Variants in ATP13A2 observed in about 807,000 individuals in gnomAD.
The protein encoded by ATP13A2 is ATPase cation transporting 13A2, also known as polyamine-transporting ATPase 13A2.
Under a neutral mutation model 138.3 loss-of-function variants are expected in ATP13A2, and 83 were observed. The observed-to-expected ratio is 0.60, with a 90% CI of 0.50 to 0.72. ATP13A2 has a LOEUF of 0.72. Among genes scored for constraint, ATP13A2 ranks in the 30% least tolerant of loss-of-function variants. The probability of loss-of-function intolerance (pLI) is 0.00; values close to 1 mark genes in which losing one functional copy is unlikely to be tolerated. For missense variants in ATP13A2, 1,402 were observed against 1,606.4 expected, an observed-to-expected ratio of 0.87 and a Z score of 2.17; for synonymous variants, 663 against 699.0, an observed-to-expected ratio of 0.95 and a Z score of 0.81.
intron 15 of ATP13A2, among the ~76,000 whole-genome samples, chr1:16,994,184 G>GCTCTCTCT (rs144710370): frequency 1.3e-5 from 2 of 148,398 alleles, no homozygotes; most frequent in African/African-American, 4.9e-5. Flanking sequence ...CGGTTGGCTC[G>GCTCTCTCT]CTCTCTCTCT....
In ATP13A2 at chr1:17,005,418, G is replaced by C. The variant is rs761558105; in HGVS notation, c.244C>G (p.Leu82Val). The C allele has an allele frequency of 6.2e-7, 1 of 1,612,978 alleles. No homozygotes were observed. The highest frequency in any genetic ancestry group is 2.2e-5 in the East Asian group (1 of 44,856). Residue 82 changes from leucine to valine, a missense_variant, in exon 3 of 29, where the codon CTG becomes GTG. Transcript: ENST00000326735. The stretch of plus-strand genomic sequence containing the variant: ...ATAACGAGTGTTTCGGCGTGGGCCA[G>C]GTTGCAGGGCCGGAGCCGCAGCCGC... ...GVRLRLRPCNLAHAETLVIEI... is the reference protein window; with the variant it reads ...GVRLRLRPCNVAHAETLVIEI...
Position 17,002,115 on chromosome 1 carries a change from G to T in ATP13A2, c.636-12C>A, listed in dbSNP as rs766322286. On this transcript the variant is annotated splice_polypyrimidine_tract_variant and intron_variant, in intron 7 of 28. Coordinates refer to ENST00000326735, the MANE Select transcript of ATP13A2 (RefSeq NM_022089.4). ...CGTAAATGGCCTTCCTGGAAGAGGGGATGAGGCCAAGCCATCAGAAGGAGG... is the reference window on the plus strand; with the variant it reads ...CGTAAATGGCCTTCCTGGAAGAGGGTATGAGGCCAAGCCATCAGAAGGAGG... 1.5e-5 allele frequency: 24 copies of T among 1,612,454 alleles called. No homozygotes were observed. Among genetic ancestry groups the T allele is most frequent in the Non-Finnish European group, 2.0e-5 (24 of 1,179,264 alleles).
chr1:16,992,348 G>C lies in ATP13A2; in HGVS notation c.1900C>G (p.Leu634Val), dbSNP rs543531903. 2.2e-5 allele frequency: 35 copies of C among 1,613,104 alleles called. No homozygotes were observed. The Admixed American group carries it at 5.8e-4, about 27-fold the overall frequency. The change falls in exon 18 of 29, where the codon CTG becomes GTG. Residue 634 changes from leucine (L) to valine (V), a missense_variant. By Grantham distance (32) the Leu-to-Val change is conservative. Coordinates refer to ENST00000326735, the MANE Select transcript of ATP13A2 (RefSeq NM_022089.4). ...VLHRFPFSSA[L>V]QRMSVVVAWP... is the part of the protein sequence containing the mutation. ...GCCACCACCACACTCATGCGCTGCA[G>C]AGCCGAAGAGAAGGGGAAGCGGTGG...
Position 16,995,967 on chromosome 1 carries a change from C to T in ATP13A2, c.1542+9G>A, listed in dbSNP as rs758689050. 15 of 1,613,676 alleles carry T rather than the reference C, an allele frequency of 9.3e-6. No homozygotes were observed. Among genetic ancestry groups the T allele is most frequent in the South Asian group, 7.7e-5 (7 of 91,082 alleles). ...CGCTCCCCTGCACCAACCCCACCTG[C>T]GGCCCCACCTTGTCGAAACACACCA... On this transcript the variant is annotated intron_variant, in intron 15 of 28. Coordinates refer to ENST00000326735, the MANE Select transcript of ATP13A2 (RefSeq NM_022089.4). This position sits in a 1 kb window ranked among gnomAD's most constrained non-coding sequence, Gnocchi z 4.1.
chr1:17,001,416 A>T (rs1025521331), intron 8 of ATP13A2, among the ~76,000 whole-genome samples: 2 of 152,026 alleles, frequency 1.3e-5, no homozygotes, highest in African/African-American at 4.8e-5. Flanking sequence ...CAACAAGAGC[A>T]AAACTCTGTC....
chr1:17,004,493 G>A lies in ATP13A2; in HGVS notation c.478-82C>T, dbSNP rs932458509. On this transcript the variant is annotated intron_variant, in intron 5 of 28. Coordinates refer to ENST00000326735, the MANE Select transcript of ATP13A2 (RefSeq NM_022089.4). This position sits in a 1 kb window ranked among gnomAD's most constrained non-coding sequence, Gnocchi z 4.1. ...GTGCTTATGCTGGGAGCCGAGGGAT[G>A]GGGGTAGGGGGCAGGGACTGGTGTC... 7 of 1,558,806 alleles carry A rather than the reference G, an allele frequency of 4.5e-6. No individual in the cohort carries two copies. The highest frequency in any genetic ancestry group is 2.7e-5 in the African/African-American group (2 of 73,586).
At chr1:17,009,863 A>C (rs542933611) in intron 1 of ATP13A2, among the ~76,000 whole-genome samples, 2 of 152,230 alleles carry the variant, frequency 1.3e-5, no homozygotes, top group Admixed American at 1.3e-4. Flanking sequence ...GTGGAACTTG[A>C]GGGAGGAAGT....
rs1202155833 is a variant in ATP13A2, at chr1:17,011,111, G to A, written c.10+618C>T. Among the ~76,000 whole-genome samples the A allele has an allele frequency of 6.6e-6, 1 of 152,138 alleles. No homozygotes were observed. Among genetic ancestry groups the A allele is most frequent in the African/African-American group, 2.4e-5 (1 of 41,424 alleles). The stretch of plus-strand genomic sequence containing the variant: ...GACTGGCCCCATTCCCGGCAGGTGG[G>A]ATTTAAATTAGACCCTGGAGGAGTG... On this transcript the variant is annotated intron_variant, in intron 1 of 28. Transcript: ENST00000326735. This position sits in a 1 kb window ranked among gnomAD's most constrained non-coding sequence, Gnocchi z 7.3.
chr1:17,006,006 G>A (rs185387752), intron 1 of ATP13A2, among the ~76,000 whole-genome samples: 157 of 152,132 alleles, frequency 1.0e-3, no homozygotes, highest in Middle Eastern at 6.8e-3. Context: ...GTGGCAGCGC[G>A]TGCCTGTAAT....
Position 16,986,102 on chromosome 1 carries a change from G to C in ATP13A2, c.*119C>G, listed in dbSNP as rs758220660. On this transcript the variant is annotated 3_prime_UTR_variant, in exon 29 of 29. Transcript: ENST00000326735. This position sits in a 1 kb window ranked among gnomAD's most constrained non-coding sequence, Gnocchi z 6.9. ...GTGGGGGTGGTCTCGGGGGAGGAGTGTAGACAGTCGCCAACCTCAGGGATG... is the reference window on the plus strand; with the variant it reads ...GTGGGGGTGGTCTCGGGGGAGGAGTCTAGACAGTCGCCAACCTCAGGGATG... The C allele has an allele frequency of 3.2e-6, 5 of 1,571,628 alleles. No homozygotes were observed. The East Asian group carries it at 1.2e-4, about 36-fold the overall frequency.
chr1:16,988,461 T>A lies in ATP13A2; in HGVS notation c.2623A>T (p.Met875Leu), dbSNP rs767865035. ...CAGTCATTGGCGCCGTCTCCGCACA[T>A]GCCCACGCAGTACCTGAAGAGAGGT... ...ELQKLQYCVG[M>L]CGDGANDCGA... Residue 875 changes from methionine (M) to leucine (L), a missense_variant, in exon 24 of 29, where the codon ATG becomes TTG. Coordinates refer to ENST00000326735, the MANE Select transcript of ATP13A2 (RefSeq NM_022089.4). 2 of 1,613,844 alleles carry A rather than the reference T, an allele frequency of 1.2e-6. No individual in the cohort carries two copies. Among genetic ancestry groups the A allele is most frequent in the East Asian group, 4.5e-5 (2 of 44,876 alleles).
rs1452945010 is a variant in ATP13A2, at chr1:16,986,769, T to A, written c.3235+36A>T. On this transcript the variant is annotated intron_variant, in intron 27 of 28. Transcript: ENST00000326735. This position sits in a 1 kb window ranked among gnomAD's most constrained non-coding sequence, Gnocchi z 6.9. ...CAGCACCCCAGGGCTCCTCCCTCCC[T>A]CCGCCAGCATCTCCCGCCCGCGCCC... The A allele has an allele frequency of 2.5e-6, 4 of 1,600,076 alleles. No homozygotes were observed. The highest frequency in any genetic ancestry group is 2.6e-6 in the Non-Finnish European group (3 of 1,175,340).
rs1570889975 is a variant in ATP13A2 at position 17,004,707 on chromosome 1, C to T, written c.462G>A (p.Ala154=). ...CAGAACCCACCTGTCCGACACTCAC[C>T]GCCTCCTCGCTCTTGTGGAGCTGGG... ...DTAQLHKSEE[A]VSVGQKRVLR... The change falls in exon 5 of 29, where the codon GCG becomes GCA. Residue 154 remains alanine, a synonymous_variant. Coordinates refer to ENST00000326735, the MANE Select transcript of ATP13A2 (RefSeq NM_022089.4). This position sits in a 1 kb window ranked among gnomAD's most constrained non-coding sequence, Gnocchi z 4.1. The T allele has an allele frequency of 4.3e-6, 7 of 1,614,096 alleles. No homozygotes were observed. The highest frequency in any genetic ancestry group is 1.1e-5 in the South Asian group (1 of 91,086).
Position 16,986,442 on chromosome 1 carries a change from G to C in ATP13A2, c.3405+21C>G. 1 of 1,610,824 alleles carries C rather than the reference G, an allele frequency of 6.2e-7. No homozygotes were observed. Among genetic ancestry groups the C allele is most frequent in the Non-Finnish European group, 8.5e-7 (1 of 1,179,664 alleles). On this transcript the variant is annotated intron_variant, in intron 28 of 28. Transcript: ENST00000326735. The surrounding 1 kb of genome is among the most constrained non-coding windows in gnomAD (Gnocchi z 6.9). The stretch of plus-strand genomic sequence containing the variant: ...CCCACCTCCCTTCTCTCCCGCTGCT[G>C]AGACCCAGGGCGGGCCCCACCTCCA...
At chr1:16,987,541 C>T (rs931178147) in intron 25 of ATP13A2, among the ~76,000 whole-genome samples, 5 of 152,204 alleles carry the variant, frequency 3.3e-5, no homozygotes, top group African/African-American at 7.2e-5. Flanking sequence ...ACTCCCGGCC[C>T]GAAGGGGAGG....
At chr1:16,996,744 G>A (rs2077140106) in intron 12 of ATP13A2, 1 of 618,236 alleles carries the variant, frequency 1.6e-6, no homozygotes, top group Non-Finnish European at 2.9e-6. Flanking sequence ...CACAGGGAAG[G>A]CTCCTGCCTG....
chr1:17,002,210 A>G (rs2077384634), intron 7 of ATP13A2, 86 bp downstream of exon 7: 2 of 1,580,050 alleles, frequency 1.3e-6, no homozygotes, highest in African/African-American at 2.7e-5. Context: ...GGCCCAGAGA[A>G]GGCAGGTGAC....
chr1:17,001,993 A>C, intron 8 of ATP13A2, 41 bp downstream of exon 8: 1 of 1,585,778 alleles, frequency 6.3e-7, no homozygotes, highest in Non-Finnish European at 8.6e-7. Context: ...GTCACACAGC[A>C]CGCCAGGCAG....
In ATP13A2 at chr1:17,002,033, C is replaced by T. The variant is rs554858204; in HGVS notation, c.705+1G>A. The stretch of plus-strand genomic sequence containing the variant: ...GGGGCAAGACCCAGGGACAGCCCTA[C>T]CTCGTCCACCAGCAGCTGGGGGTAG... On this transcript the variant is annotated splice_donor_variant, in intron 8 of 28. Coordinates refer to ENST00000326735, the MANE Select transcript of ATP13A2 (RefSeq NM_022089.4). LOFTEE classifies it high-confidence loss of function. 1 of 1,610,820 alleles carries T rather than the reference C, an allele frequency of 6.2e-7. No homozygotes were observed. Among genetic ancestry groups the T allele is most frequent in the Non-Finnish European group, 8.5e-7 (1 of 1,178,362 alleles).
Sources: gnomAD v4.1 joint callset for allele counts (sites outside exome capture counted in the v4.1 genomes callset) on GRCh38, gnomAD v4.1.1 for gene constraint, Gnocchi (gnomAD v3.1) non-coding constraint, MANE v1.5 for transcripts, NCBI Gene and HGNC (gene_info 2026-07-23, HGNC 2026-07-21) for gene names.